The following AHSA1 variants were observed in gnomAD, a reference collection of about 807,000 sequenced individuals.
AHSA1 encodes activator of 90 kDa heat shock protein ATPase homolog 1.
A neutral mutation model predicts 46.1 loss-of-function variants in AHSA1; 14 were observed. The ratio of observed to expected loss-of-function variants is 0.30; its 90% CI spans 0.20 to 0.47. The LOEUF (loss-of-function observed/expected upper bound fraction) is 0.47, where lower values mean the gene tolerates loss of function less well. Ranked by LOEUF, AHSA1 falls within the 20% of genes least tolerant of loss-of-function variation. AHSA1 has a pLI of 0.99. For synonymous variants in AHSA1, 147 were observed against 145.8 expected (o/e 1.01, Z -0.06); for missense variants, 333 against 415.9 (o/e 0.80, Z 1.73).
intron 8 of AHSA1, 64 bp from the exon 9 acceptor site, chr14:77,469,013 G>T (rs1452917128): frequency 6.3e-7 from 1 of 1,580,606 alleles, no homozygotes; most frequent in African/African-American, 1.3e-5. Flanking sequence ...CAGCCAGGTT[G>T]CCCCAGTCTT....
rs1441618911 is a variant in AHSA1 at position 77,464,666 on chromosome 14, C to G, written c.541C>G (p.Leu181Val). Residue 181 changes from leucine (L) to valine (V), a missense_variant, in exon 5 of 9, where the codon CTG (leucine) becomes GTG (valine). Coordinates refer to ENST00000216479, the MANE Select transcript of AHSA1 (RefSeq NM_012111.3). Reference sequence around the variant, plus strand: ...AGTAGACCCAGTGGGGCAGCCAGCACTGAAAACTGAGGAGCGCAAGGTAAA... The same window carrying G: ...AGTAGACCCAGTGGGGCAGCCAGCAGTGAAAACTGAGGAGCGCAAGGTAAA... Reference protein sequence around the residue: ...ESVDPVGQPALKTEERKAKPA... With the variant: ...ESVDPVGQPAVKTEERKAKPA... 28 of 1,613,892 alleles carry G rather than the reference C, an allele frequency of 1.7e-5. No homozygotes were observed. The highest frequency in any genetic ancestry group is 2.4e-5 in the Non-Finnish European group (28 of 1,180,002).
chr14:77,460,114 T>C, intron 2 of AHSA1: 1 of 378,756 alleles, frequency 2.6e-6, no homozygotes, highest in East Asian at 5.9e-5. Flanking sequence ...ATGTATCTTG[T>C]GAGTGATTTA....
intron 2 of AHSA1, 145 bp from the exon 3 acceptor site, chr14:77,462,015 T>C (rs1370543706): frequency 1.0e-5 from 6 of 585,950 alleles, no homozygotes; most frequent in South Asian, 7.3e-5. Context: ...CGGGTGTTGA[T>C]TGCATCTGGC....
Position 77,462,666 on chromosome 14 carries a change from G to A in AHSA1, c.379G>A (p.Glu127Lys). The change falls in exon 4 of 9, where the codon GAG becomes AAG. Residue 127 changes from glutamate (E) to lysine (K), a missense_variant. Physicochemically the swap from Glu to Lys is moderately conservative, Grantham distance 56 (BLOSUM62 1). Coordinates refer to ENST00000216479, the MANE Select transcript of AHSA1 (RefSeq NM_012111.3). Reference sequence around the variant, plus strand: ...GATTAGTGTGAGCCTTGCCAAAGATGAGCCTGACACAAATCTCGTGGCCTT... The same window carrying A: ...GATTAGTGTGAGCCTTGCCAAAGATAAGCCTGACACAAATCTCGTGGCCTT... ...VEISVSLAKD[E>K]PDTNLVALMK... 6.2e-7 allele frequency: 1 copy of A among 1,614,134 alleles called. No homozygotes were observed. Among genetic ancestry groups the A allele is most frequent in the Non-Finnish European group, 8.5e-7 (1 of 1,180,018 alleles).
chr14:77,459,442 C>T (rs2139935530), intron 1 of AHSA1, among the ~76,000 whole-genome samples, 174 bp from the exon 2 acceptor site: 1 of 152,212 alleles, frequency 6.6e-6, no homozygotes, highest in Admixed American at 6.6e-5. Context: ...AGTGTGCAAC[C>T]CCTTGTCTTC....
At chr14:77,462,970 G>A (rs1034790434) in intron 4 of AHSA1, 3 of 490,440 alleles carry the variant, frequency 6.1e-6, no homozygotes, top group Non-Finnish European at 1.1e-5. Context: ...TTTAGATGTG[G>A]CTAGACCAAA....
At chr14:77,464,787 C>A in intron 5 of AHSA1, 101 bp downstream of exon 5, 1 of 1,010,008 alleles carries the variant, frequency 9.9e-7, no homozygotes, top group Non-Finnish European at 1.5e-6. Flanking sequence ...ACCTCTAAGC[C>A]AGACCAGCCT....
At chr14:77,468,682 C>G in intron 8 of AHSA1, 174 bp downstream of exon 8, 1 of 597,016 alleles carries the variant, frequency 1.7e-6, no homozygotes, top group Admixed American at 3.3e-5. Context: ...CCTGCTTCAG[C>G]TTCCCAAGTA....
In AHSA1 at chr14:77,469,205, G is replaced by A; in HGVS notation, c.973G>A (p.Glu325Lys). ...TRQGWQRYYFEGIKQTFGYGA... is the reference protein window; with the variant it reads ...TRQGWQRYYFKGIKQTFGYGA... ...ACAGGGCTGGCAGCGGTACTACTTT[G>A]AGGGCATTAAACAGACCTTTGGCTA... The change falls in exon 9 of 9, where the codon GAG becomes AAG. Residue 325 changes from glutamate (E) to lysine (K), a missense_variant. Physicochemically the swap from Glu to Lys is moderately conservative, Grantham distance 56. Coordinates refer to ENST00000216479, the MANE Select transcript of AHSA1 (RefSeq NM_012111.3). 5 of 1,614,034 alleles carry A rather than the reference G, an allele frequency of 3.1e-6. No individual in the cohort carries two copies. The highest frequency in any genetic ancestry group is 4.2e-6 in the Non-Finnish European group (5 of 1,179,998).
At position 77,462,724 on chromosome 14, in the gene AHSA1, A is replaced by G; in HGVS notation, c.437A>G (p.Glu146Gly). The G allele has an allele frequency of 2.5e-6, 4 of 1,614,174 alleles. No individual in the cohort carries two copies. The highest frequency in any genetic ancestry group is 1.7e-4 in the Middle Eastern group (1 of 6,060). Residue 146 changes from glutamate (E) to glycine (G), a missense_variant, in exon 4 of 9, where the codon GAA becomes GGA. Coordinates refer to ENST00000216479, the MANE Select transcript of AHSA1 (RefSeq NM_012111.3). Reference protein sequence around the residue: ...MKEEGVKLLREAMGIYISTLK... With the variant: ...MKEEGVKLLRGAMGIYISTLK... ...GAAGAAGGGGTGAAACTTCTAAGAG[A>G]AGCAATGGGAATTTACATCAGCACC...
chr14:77,468,720 GC>G (rs2079059261), intron 8 of AHSA1: 7 of 295,058 alleles, frequency 2.4e-5, no homozygotes, highest in African/African-American at 4.4e-5. Context: ...CACCATGCCA[GC>G]TTTTTTTTTT....
intron 2 of AHSA1, 57 bp downstream of exon 2, chr14:77,459,863 T>C (rs748607116): frequency 4.4e-6 from 7 of 1,586,446 alleles, no homozygotes; most frequent in African/African-American, 2.7e-5. Flanking sequence ...ACCTGTTAAG[T>C]AGCTGGAGAG....
chr14:77,465,854 G>A (rs1047459426), intron 6 of AHSA1, among the ~76,000 whole-genome samples, 187 bp downstream of exon 6: 17 of 149,548 alleles, frequency 1.1e-4, no homozygotes, highest in African/African-American at 3.5e-4. Context: ...ACGGAGTCTC[G>A]CTCTGTCACC....
chr14:77,468,551 T>C (rs1566748960), intron 8 of AHSA1, 43 bp downstream of exon 8: 1 of 1,516,872 alleles, frequency 6.6e-7, no homozygotes, highest in East Asian at 2.3e-5. Context: ...GAACTTTTTC[T>C]CTTTGCTGTA....
rs1405037390 is a variant in AHSA1 at position 77,459,687 on chromosome 14, A to C, written c.152A>C (p.Asn51Thr). 1.2e-6 allele frequency: 2 copies of C among 1,614,240 alleles called. No individual in the cohort carries two copies. Among genetic ancestry groups the C allele is most frequent in the Non-Finnish European group, 1.7e-6 (2 of 1,180,036 alleles). Reference sequence around the variant, plus strand: ...CTGTTCCTGGCAGTGCAGGTTCAAAATGAAGAAGGCAAGTGTGAGGTGACG... The same window carrying C: ...CTGTTCCTGGCAGTGCAGGTTCAAACTGAAGAAGGCAAGTGTGAGGTGACG... ...KTLFLAVQVQNEEGKCEVTEV... is the reference protein window; with the variant it reads ...KTLFLAVQVQTEEGKCEVTEV... The change falls in exon 2 of 9, where the codon AAT becomes ACT. Residue 51 changes from asparagine to threonine, a missense_variant. Coordinates refer to ENST00000216479, the MANE Select transcript of AHSA1 (RefSeq NM_012111.3).
In AHSA1 at chr14:77,469,197, A is replaced by C; in HGVS notation, c.965A>C (p.Tyr322Ser). The part of the protein sequence containing the change: ...EERTRQGWQR[Y>S]YFEGIKQTFG... ...CGGACGCGACAGGGCTGGCAGCGGTACTACTTTGAGGGCATTAAACAGACC... is the reference window on the plus strand; with the variant it reads ...CGGACGCGACAGGGCTGGCAGCGGTCCTACTTTGAGGGCATTAAACAGACC... Residue 322 changes from tyrosine to serine, a missense_variant, in exon 9 of 9, where the codon TAC becomes TCC. By Grantham distance (144) the Tyr-to-Ser change is moderately radical. Coordinates refer to ENST00000216479, the MANE Select transcript of AHSA1 (RefSeq NM_012111.3). 1 of 1,613,978 alleles carries C rather than the reference A, an allele frequency of 6.2e-7. No homozygotes were observed. Among genetic ancestry groups the C allele is most frequent in the Non-Finnish European group, 8.5e-7 (1 of 1,179,972 alleles).
In AHSA1 at chr14:77,461,549, A is replaced by C. The variant is rs149496663; in HGVS notation, c.272-611A>C. ...TGTCTTGCGGGGGGAAAAGGTGGGC[A>C]TCAGAAGGGTTGCAGCTTGAGGACT... is the stretch of plus-strand genomic sequence containing the variant. On this transcript the variant is annotated intron_variant, in intron 2 of 8. Transcript: ENST00000216479. Among the ~76,000 whole-genome samples, 9 of 152,318 alleles carry C rather than the reference A, an allele frequency of 5.9e-5. No individual in the cohort carries two copies. The East Asian group carries it at 1.7e-3, about 29-fold the overall frequency.
In AHSA1 at chr14:77,468,049, C is replaced by CTTTT. The variant is rs150175578; in HGVS notation, c.691-33_691-32insTTTT. 455 of 723,660 alleles carry CTTTT rather than the reference C, an allele frequency of 6.3e-4. 42 individuals are homozygous for CTTTT. The highest frequency in any genetic ancestry group is 1.7e-3 in the South Asian group (77 of 45,568). 44.8% of individuals were successfully genotyped at this position (723,660 alleles called of 1,614,324 possible). ...CCACTGAAAGCCATGTATCTTCTGC[C>CTTTT]TCTTTTTTTTTTTTTTTTTTTTTTT... On this transcript the variant is annotated intron_variant, in intron 6 of 8. Coordinates refer to ENST00000216479, the MANE Select transcript of AHSA1 (RefSeq NM_012111.3).
chr14:77,467,566 C>T (rs572326885), intron 6 of AHSA1, among the ~76,000 whole-genome samples: 13 of 152,290 alleles, frequency 8.5e-5, no homozygotes, highest in Admixed American at 1.3e-4. Flanking sequence ...TGGTGGCATG[C>T]GCCTGTAATC....
Sources: allele counts gnomAD v4.1 joint callset (sites outside exome capture counted in the v4.1 genomes callset), GRCh38; gene constraint gnomAD v4.1.1; transcripts MANE v1.5; gene names NCBI Gene and HGNC (gene_info 2026-07-23, HGNC 2026-07-21).